Variants in MANBA observed in about 807,000 individuals in gnomAD.
The protein encoded by MANBA is mannosidase beta.
In MANBA, 83 loss-of-function variants were observed where a neutral mutation model predicts 111.1. That is an observed-to-expected ratio of 0.75 (90% CI 0.63 to 0.90). The LOEUF is 0.90. Ranked by LOEUF, MANBA falls within the 40% of genes least tolerant of loss-of-function variation. The probability of loss-of-function intolerance (pLI) is 0.00; values close to 1 mark genes in which losing one functional copy is unlikely to be tolerated. For missense variants in MANBA, 1,036 were observed against 1,069.0 expected (o/e 0.97, Z 0.43); for synonymous variants, 370 against 378.7 (o/e 0.98, Z 0.27).
In MANBA at chr4:102,729,402, G is replaced by A. The variant is rs531375945; in HGVS notation, c.178-2719C>T. 273 of 1,003,072 alleles carry A rather than the reference G, an allele frequency of 2.7e-4. 1 individual carries two copies. Among genetic ancestry groups the A allele is most frequent in the Non-Finnish European group, 1.2e-4 (80 of 640,744 alleles). 62.1% of individuals were successfully genotyped at this position (1,003,072 alleles called of 1,614,324 possible). A position where few individuals can be genotyped will look rare whatever the true frequency, so the allele number is the denominator to read the frequency against. ...GTGCCTTGACCTCAGCGATGATGCT[G>A]TTCATGCCCAGGGAGCGGCTGTTGT... On this transcript the variant is annotated intron_variant, in intron 1 of 16. Transcript: ENST00000647097.
intron 5 of MANBA, among the ~76,000 whole-genome samples, chr4:102,692,315 T>C (rs939294767): frequency 9.2e-5 from 14 of 152,170 alleles, no homozygotes; most frequent in African/African-American, 2.4e-4. Context: ...AGGAGAATTA[T>C]AGGGAAAGAA....
At chr4:102,729,233 T>C in intron 1 of MANBA, 1 of 740,896 alleles carries the variant, frequency 1.3e-6, no homozygotes, top group South Asian at 1.4e-5. Context: ...AGCTGGCTGA[T>C]GTTCCGGTTC....
chr4:102,651,647 G>A (rs562459247), intron 12 of MANBA, among the ~76,000 whole-genome samples: 1 of 152,188 alleles, frequency 6.6e-6, no homozygotes, highest in South Asian at 2.1e-4. Context: ...TGTTCATAAA[G>A]TATGACTTTT....
At position 102,712,551 on chromosome 4, in the gene MANBA, G is replaced by A. The variant is rs565921541; in HGVS notation, c.673+1887C>T. On this transcript the variant is annotated intron_variant, in intron 5 of 16. Coordinates refer to ENST00000647097, the MANE Select transcript of MANBA (RefSeq NM_005908.4). ...TTTTTTTTTTTTTAAACAGCATCTC[G>A]CTCCATCACCCAGGCTGGAGTGCAG... Among the ~76,000 whole-genome samples, 171 of 143,358 alleles carry A rather than the reference G, an allele frequency of 1.2e-3. 3 individuals carry two copies. The highest frequency in any genetic ancestry group is 3.3e-3 in the Admixed American group (46 of 14,004). 94.0% of individuals were successfully genotyped at this position (143,358 alleles called of 152,430 possible).
intron 4 of MANBA, among the ~76,000 whole-genome samples, chr4:102,716,477 C>T (rs1722338745): frequency 6.6e-6 from 1 of 152,026 alleles, no homozygotes; most frequent in Admixed American, 6.6e-5. Context: ...ATCTTTAGCC[C>T]CTGAAACAGG....
intron 1 of MANBA, chr4:102,734,634 C>A: frequency 1.3e-6 from 2 of 1,550,374 alleles, no homozygotes; most frequent in Non-Finnish European, 1.8e-6. Context: ...GCCCGAGGAG[C>A]CAGACAGGCA....
chr4:102,707,137 G>A (rs1330663048), intron 5 of MANBA, among the ~76,000 whole-genome samples: 2 of 152,096 alleles, frequency 1.3e-5, no homozygotes. Flanking sequence ...CAGTCAAACT[G>A]TCAAAAGTCA....
At position 102,641,052 on chromosome 4, in the gene MANBA, G is replaced by A. The variant is rs567164991; in HGVS notation, c.1870-1195C>T. On this transcript the variant is annotated intron_variant, in intron 13 of 16. Coordinates refer to ENST00000647097, the MANE Select transcript of MANBA (RefSeq NM_005908.4). ...TCATCAAAGAATCACAGAAAGATACGTAATCATTAAACAGTACCAATGCTA... is the reference window on the plus strand; with the variant it reads ...TCATCAAAGAATCACAGAAAGATACATAATCATTAAACAGTACCAATGCTA... Among the ~76,000 whole-genome samples, 5 of 152,272 alleles carry A rather than the reference G, an allele frequency of 3.3e-5. No homozygotes were observed. The South Asian group carries it at 8.3e-4, about 25-fold the overall frequency.
chr4:102,707,972 C>T (rs958774303), intron 5 of MANBA, among the ~76,000 whole-genome samples: 9 of 152,090 alleles, frequency 5.9e-5, no homozygotes, highest in African/African-American at 2.2e-4. Context: ...AATAATTCTA[C>T]ATATATCTGC....
chr4:102,734,647 G>T (rs1723145383), intron 1 of MANBA: 23 of 1,488,698 alleles, frequency 1.5e-5, no homozygotes, highest in Non-Finnish European at 2.1e-5. Context: ...GACAGGCAGG[G>T]AGAGGGCCTT....
rs143694332 is a variant in MANBA, at chr4:102,657,874, C to T, written c.1512G>A (p.Thr504=). 1.7e-4 allele frequency: 279 copies of T among 1,612,964 alleles called. 3 individuals are homozygous for T. In the South Asian group the frequency reaches 2.4e-3, roughly 14 times the overall value. Reference sequence around the variant, plus strand: ...TTTCAGCCCCATTTGTAGGACTGGACGTAATAAAAGGACGACTCTTGTCTC... The same window carrying T: ...TTTCAGCCCCATTTGTAGGACTGGATGTAATAAAAGGACGACTCTTGTCTC... ...LAGDKSRPFI[T]SSPTNGAETV... is the part of the protein sequence containing the mutation. The change falls in exon 12 of 17, where the codon ACG becomes ACA. Residue 504 remains threonine, a synonymous_variant. Coordinates refer to ENST00000647097, the MANE Select transcript of MANBA (RefSeq NM_005908.4).
intron 13 of MANBA, among the ~76,000 whole-genome samples, chr4:102,646,497 C>T (rs531755233): frequency 6.6e-6 from 1 of 152,204 alleles, no homozygotes; most frequent in East Asian, 1.9e-4. Flanking sequence ...TCAAGAACAT[C>T]CCCAAGCCAT....
Position 102,756,207 on chromosome 4 carries a change from A to G in MANBA, c.177+4511T>C, listed in dbSNP as rs531430085. On this transcript the variant is annotated intron_variant, in intron 1 of 16. Transcript: ENST00000647097. ...TACTGCAGCACTATTCACAATAGCAAAGACTTGTAACCAACCCAAATGTCC... is the reference window on the plus strand; with the variant it reads ...TACTGCAGCACTATTCACAATAGCAGAGACTTGTAACCAACCCAAATGTCC... Among the ~76,000 whole-genome samples, 28 of 152,370 alleles carry G rather than the reference A, an allele frequency of 1.8e-4. No individual in the cohort carries two copies. In the East Asian group the frequency reaches 5.0e-3, roughly 27 times the overall value.
At chr4:102,670,198 C>T (rs968131773) in intron 9 of MANBA, among the ~76,000 whole-genome samples, 5 of 150,992 alleles carry the variant, frequency 3.3e-5, no homozygotes, top group East Asian at 1.9e-4. Flanking sequence ...CCAAAGCAGC[C>T]TGTCTGAGTC....
chr4:102,639,602 GGTCATA>G, intron 14 of MANBA, 105 bp downstream of exon 14: 1 of 1,402,754 alleles, frequency 7.1e-7, no homozygotes, highest in Admixed American at 1.8e-5. Flanking sequence ...TGACTCTTTT[GGTCATA>G]GTTCTGCCTG....
At chr4:102,684,989 T>C (rs1450905451) in intron 7 of MANBA, among the ~76,000 whole-genome samples, 14 of 152,134 alleles carry the variant, frequency 9.2e-5, no homozygotes, top group Admixed American at 9.2e-4. Flanking sequence ...TGTACCTAAA[T>C]GTCAAAAACA....
intron 5 of MANBA, among the ~76,000 whole-genome samples, chr4:102,700,759 G>A (rs562215799): frequency 6.6e-6 from 1 of 152,112 alleles, no homozygotes; most frequent in Admixed American, 6.5e-5. Flanking sequence ...TACATTTGCT[G>A]AGGAGTGCTT....
In MANBA at chr4:102,650,637, C is replaced by A. The variant is rs1248890490; in HGVS notation, c.1769G>T (p.Gly590Val). The change falls in exon 13 of 17, where the codon GGT becomes GTT. Residue 590 changes from glycine to valine, a missense_variant. By Grantham distance (109) the Gly-to-Val change is moderately radical (BLOSUM62 -3). Transcript: ENST00000647097. ...KFSLHRQHHE[G>V]GNKQMLYQAG... is the part of the protein sequence containing the mutation. ...CTGATAAAGCATTTGTTTGTTACCA[C>A]CTTCGTGATGTTGTCGATGAAGTGA... 6.2e-7 allele frequency: 1 copy of A among 1,613,424 alleles called. No homozygotes were observed. The highest frequency in any genetic ancestry group is 1.7e-5 in the Admixed American group (1 of 59,998).
At chr4:102,726,729 A>G in intron 1 of MANBA, 46 bp from the exon 2 acceptor site, 1 of 860,190 alleles carries the variant, frequency 1.2e-6, no homozygotes, top group South Asian at 1.4e-5. Context: ...AAATATGCAC[A>G]AATAAATTAA....
Sources: gnomAD v4.1 joint callset for allele counts (sites outside exome capture counted in the v4.1 genomes callset) on GRCh38, gnomAD v4.1.1 for gene constraint, MANE v1.5 for transcripts, NCBI Gene and HGNC (gene_info 2026-07-23, HGNC 2026-07-21) for gene names.